The following ERBIN variants were observed in gnomAD, a reference collection of about 807,000 sequenced individuals.
ERBIN encodes erbb2 interacting protein.
A neutral mutation model predicts 158.4 loss-of-function variants in ERBIN; 60 were observed. That is an observed-to-expected ratio of 0.38 (90% CI 0.31 to 0.47). The LOEUF is 0.47. Among genes scored for constraint, ERBIN ranks in the 20% least tolerant of loss-of-function variants. The probability of loss-of-function intolerance (pLI) is 0.99; values close to 1 mark genes in which losing one functional copy is unlikely to be tolerated. For missense variants in ERBIN, 1,610 were observed against 1,648.0 expected, an observed-to-expected ratio of 0.98 and a Z score of 0.40; for synonymous variants, 594 against 557.2, an observed-to-expected ratio of 1.07 and a Z score of -0.93.
At chr5:66,000,523 C>A (rs948330807) in intron 4 of ERBIN, among the ~76,000 whole-genome samples, 1 of 151,914 alleles carries the variant, frequency 6.6e-6, no homozygotes, top group Non-Finnish European at 1.5e-5. Flanking sequence ...GTTTTTGAGG[C>A]GTTGGAGATA....
At chr5:66,030,646 T>G (rs1269565594) in intron 14 of ERBIN, among the ~76,000 whole-genome samples, 2 of 151,090 alleles carry the variant, frequency 1.3e-5, no homozygotes, top group East Asian at 3.9e-4. Flanking sequence ...CACTGGAATC[T>G]TCACCTCCTG....
At chr5:66,014,762 A>G (rs749765508) in intron 7 of ERBIN, 37 bp downstream of exon 7, 3 of 1,005,708 alleles carry the variant, frequency 3.0e-6, no homozygotes, top group Non-Finnish European at 4.3e-6. Flanking sequence ...AACTTAATTT[A>G]TAATTTTTAA....
chr5:66,021,232 C>G (rs1755648185), intron 7 of ERBIN, 90 bp from the exon 8 acceptor site: 1 of 672,438 alleles, frequency 1.5e-6, no homozygotes, highest in Non-Finnish European at 2.5e-6. Flanking sequence ...AAATAATTAC[C>G]TATTCCATAA....
intron 1 of ERBIN, among the ~76,000 whole-genome samples, chr5:65,958,703 G>A: frequency 6.6e-6 from 1 of 152,232 alleles, no homozygotes; most frequent in East Asian, 1.9e-4. Flanking sequence ...TTTACTTTAT[G>A]ATGGTGTGAA....
intron 1 of ERBIN, among the ~76,000 whole-genome samples, chr5:65,939,692 G>A (rs1402278085): frequency 6.6e-6 from 1 of 152,154 alleles, no homozygotes; most frequent in East Asian, 1.9e-4. Flanking sequence ...GATTGCAGGC[G>A]TGCGCCACCA....
chr5:65,971,360 C>T (rs1749223720), intron 1 of ERBIN, among the ~76,000 whole-genome samples: 1 of 151,240 alleles, frequency 6.6e-6, no homozygotes, highest in Admixed American at 6.6e-5. Flanking sequence ...AGCCCTTGAG[C>T]GTGGGTAGAA....
chr5:65,955,176 A>AT (rs944753414), intron 1 of ERBIN, among the ~76,000 whole-genome samples: 9 of 152,188 alleles, frequency 5.9e-5, no homozygotes, highest in South Asian at 2.1e-4. Context: ...AATGCCAACC[A>AT]TTTTTTTTCT....
intron 1 of ERBIN, among the ~76,000 whole-genome samples, chr5:65,988,184 A>G (rs1385099594): frequency 1.3e-5 from 2 of 152,058 alleles, no homozygotes; most frequent in Non-Finnish European, 2.9e-5. Context: ...CAGCATGGCC[A>G]ACATAGTGAG....
rs566479567 is a variant in ERBIN, at chr5:65,984,091, A to G, written c.-57-4544A>G. Among the ~76,000 whole-genome samples, 3 of 152,292 alleles carry G rather than the reference A, an allele frequency of 2.0e-5. No individual in the cohort carries two copies. In the East Asian group the frequency reaches 5.8e-4, roughly 29 times the overall value. ...CAGTTTCTGGGAAATAGTGGACCAG[A>G]TCGTCTCCATGGAGCAGCTGGTCCT... On this transcript the variant is annotated intron_variant, in intron 1 of 25. Transcript: ENST00000284037.
At chr5:66,026,698 A>G (rs746805309) in intron 13 of ERBIN, among the ~76,000 whole-genome samples, 16 of 151,996 alleles carry the variant, frequency 1.1e-4, no homozygotes, top group Admixed American at 3.9e-4. Context: ...GAACCTATCA[A>G]TAACTTAAAT....
intron 14 of ERBIN, among the ~76,000 whole-genome samples, chr5:66,032,546 G>A (rs534767917): frequency 6.6e-6 from 1 of 152,304 alleles, no homozygotes; most frequent in East Asian, 1.9e-4. Flanking sequence ...AGGAAGAAGT[G>A]ATTTTTATGA....
At chr5:65,936,780 T>C (rs1159240088) in intron 1 of ERBIN, among the ~76,000 whole-genome samples, 1 of 152,170 alleles carries the variant, frequency 6.6e-6, no homozygotes, top group African/African-American at 2.4e-5. Context: ...CATAGAAATA[T>C]AGAACATAGA....
rs530381631 is a variant in ERBIN, at chr5:65,961,075, A to G, written c.-57-27560A>G. On this transcript the variant is annotated intron_variant, in intron 1 of 25. Transcript: ENST00000284037. The stretch of plus-strand genomic sequence containing the variant: ...AAAAGGGAAAAATTTTAAACATTTG[A>G]TTAAAAACCTTCTTAAAACATTCCA... The G allele has an allele frequency of 4.6e-5, 7 of 152,340 alleles. No individual in the cohort carries two copies. In the South Asian group the frequency reaches 1.2e-3, roughly 27 times the overall value. 9.4% of individuals were successfully genotyped at this position (152,340 alleles called of 1,614,324 possible).
chr5:65,961,496 A>G (rs766389574), intron 1 of ERBIN, among the ~76,000 whole-genome samples: 45 of 152,126 alleles, frequency 3.0e-4, no homozygotes, highest in Non-Finnish European at 5.6e-4. Flanking sequence ...GTAGATCTGT[A>G]TTGCCAATGT....
intron 14 of ERBIN, among the ~76,000 whole-genome samples, chr5:66,034,467 A>G (rs886353076): frequency 2.6e-5 from 4 of 151,914 alleles, no homozygotes; most frequent in African/African-American, 9.7e-5. Context: ...TTGTATTTTT[A>G]GTAGAGACGG....
rs1469589767 is a variant in ERBIN, at chr5:66,053,807, C to G, written c.2489C>G (p.Ser830Cys). ...NKVNGHSEET[S>C]QSPNRTEPHD... ...GTAAATGGACATTCTGAGGAAACTT[C>G]CCAGTCTCCTAATAGGACTGAACCA... The change falls in exon 21 of 26, where the codon TCC (serine) becomes TGC (cysteine). Residue 830 changes from serine to cysteine, a missense_variant. This residue lies in a region of ERBIN where 1,014 missense variants were observed against 936.1 expected (regional missense o/e 1.08). Transcript: ENST00000284037. The G allele has an allele frequency of 1.2e-6, 2 of 1,613,942 alleles. No individual in the cohort carries two copies. The highest frequency in any genetic ancestry group is 1.1e-5 in the South Asian group (1 of 91,072).
intron 6 of ERBIN, among the ~76,000 whole-genome samples, chr5:66,014,292 CCTT>C (rs1754495824): frequency 1.3e-5 from 2 of 152,198 alleles, no homozygotes; most frequent in Admixed American, 6.5e-5. Context: ...GATTTCTCCT[CCTT>C]CTTTTGTTTC....
At chr5:66,042,339 A>G (rs573200890) in intron 15 of ERBIN, among the ~76,000 whole-genome samples, 1 of 152,242 alleles carries the variant, frequency 6.6e-6, no homozygotes, top group South Asian at 2.1e-4. Flanking sequence ...ATAATAACAA[A>G]AAACTGACAG....
chr5:65,948,736 G>A (rs914342235), intron 1 of ERBIN, among the ~76,000 whole-genome samples: 8 of 149,030 alleles, frequency 5.4e-5, no homozygotes, highest in African/African-American at 2.0e-4. Context: ...CTAATGAAAG[G>A]ATGACATACT....
Sources: gnomAD v4.1 joint callset for allele counts (sites outside exome capture counted in the v4.1 genomes callset) on GRCh38, gnomAD v4.1.1 for gene constraint, gnomAD v4.1.1 regional missense constraint, MANE v1.5 for transcripts, NCBI Gene and HGNC (gene_info 2026-07-23, HGNC 2026-07-21) for gene names.